Variants in ENTREP2 observed in about 807,000 individuals in gnomAD.
The protein encoded by ENTREP2 is endosomal transmembrane epsin interactor 2.
At chr15:29,168,827 G>C in the ENTREP2 span, among the ~76,000 whole-genome samples, 2 of 152,134 alleles carry the variant, frequency 1.3e-5, no homozygotes, top group Admixed American at 1.3e-4. Flanking sequence ...TCTGGGCAAG[G>C]ACCCAGGAGG....
chr15:29,297,542 T>C, the ENTREP2 span, among the ~76,000 whole-genome samples: 64 of 152,320 alleles, frequency 4.2e-4, no homozygotes, highest in African/African-American at 1.5e-3. Flanking sequence ...ATATCATCAG[T>C]TTGCAACCTT....
chr15:29,577,448 GACTCAGGCAAT>G, the ENTREP2 span, among the ~76,000 whole-genome samples: 1 of 151,834 alleles, frequency 6.6e-6, no homozygotes, highest in Admixed American at 6.6e-5. Context: ...GGACCTCCCA[GACTCAGGCAAT>G]CCTCTCACCT....
the ENTREP2 span, among the ~76,000 whole-genome samples, chr15:29,126,892 G>C: frequency 6.6e-6 from 1 of 152,174 alleles, no homozygotes; most frequent in Non-Finnish European, 1.5e-5. Flanking sequence ...GTGCAGCCCC[G>C]GGCCTGGAGT....
the ENTREP2 span, among the ~76,000 whole-genome samples, chr15:29,155,274 T>C: frequency 2.9e-5 from 4 of 135,608 alleles, no homozygotes; most frequent in Non-Finnish European, 6.2e-5. Flanking sequence ...AGAACGAGAC[T>C]CCATCTCATA....
chr15:29,169,169 T>C, the ENTREP2 span, among the ~76,000 whole-genome samples: 1 of 152,246 alleles, frequency 6.6e-6, no homozygotes, highest in Non-Finnish European at 1.5e-5. Context: ...AAATCTTTCC[T>C]ATAAATTCTG....
At chr15:29,600,902 C>CCTTTTTTTTTTTTTTTTTTTTTTT in the ENTREP2 span, among the ~76,000 whole-genome samples, 11 of 123,616 alleles carry the variant, frequency 8.9e-5, no homozygotes, top group African/African-American at 4.0e-4. Flanking sequence ...ATTTTTCTTT[C>CCTTTTTTTTTTTTTTTTTTTTTTT]TTTTTTTTTT....
chr15:29,526,872 C>T, the ENTREP2 span, among the ~76,000 whole-genome samples: 1 of 152,030 alleles, frequency 6.6e-6, no homozygotes, highest in African/African-American at 2.4e-5. Context: ...CTCTCCCTTC[C>T]ATCACTCCCA....
the ENTREP2 span, among the ~76,000 whole-genome samples, chr15:29,568,674 A>C: frequency 3.5e-4 from 52 of 149,234 alleles, no homozygotes; most frequent in Non-Finnish European, 6.7e-4. Context: ...ACTGCACTCC[A>C]GCCTGGGCAA....
At chr15:29,578,999 A>G in the ENTREP2 span, among the ~76,000 whole-genome samples, 1 of 152,218 alleles carries the variant, frequency 6.6e-6, no homozygotes, top group East Asian at 1.9e-4. Context: ...TTTCATTAGA[A>G]TAAGCAGTTA....
the ENTREP2 span, among the ~76,000 whole-genome samples, chr15:29,223,689 T>G: frequency 3.3e-5 from 5 of 152,008 alleles, no homozygotes; most frequent in African/African-American, 1.2e-4. Flanking sequence ...GTAGAACTCC[T>G]GTAGTGGCGC....
the ENTREP2 span, among the ~76,000 whole-genome samples, chr15:29,176,478 G>T: frequency 3.3e-5 from 5 of 152,182 alleles, no homozygotes; most frequent in African/African-American, 1.2e-4. Context: ...GTGGGAAGAG[G>T]CCAGAGGAGA....
chr15:29,660,402 A>G, the ENTREP2 span, among the ~76,000 whole-genome samples: 11 of 152,310 alleles, frequency 7.2e-5, no homozygotes, highest in African/African-American at 2.4e-4. Flanking sequence ...GAGGACACAC[A>G]CACAAATGCC....
chr15:29,232,006 C>T, the ENTREP2 span, among the ~76,000 whole-genome samples: 1 of 151,538 alleles, frequency 6.6e-6, no homozygotes, highest in South Asian at 2.1e-4. Flanking sequence ...TCTCCCGCTT[C>T]AGCCTCCTGA....
the ENTREP2 span, among the ~76,000 whole-genome samples, chr15:29,292,375 C>T: frequency 6.7e-6 from 1 of 148,480 alleles, no homozygotes; most frequent in Non-Finnish European, 1.5e-5. Flanking sequence ...TTCTTTCTTT[C>T]TTTCCTTCTT....
At chr15:29,542,260 C>G in the ENTREP2 span, among the ~76,000 whole-genome samples, 1 of 152,140 alleles carries the variant, frequency 6.6e-6, no homozygotes, top group Non-Finnish European at 1.5e-5. Context: ...GGTGATCCAC[C>G]TGCCTTGGCC....
chr15:29,448,836 T>G, the ENTREP2 span, among the ~76,000 whole-genome samples: 1 of 152,176 alleles, frequency 6.6e-6, no homozygotes, highest in African/African-American at 2.4e-5. Flanking sequence ...TTATTTTAAA[T>G]TAGTTTTGAA....
the ENTREP2 span, among the ~76,000 whole-genome samples, chr15:29,308,249 G>A: frequency 2.0e-5 from 3 of 152,130 alleles, no homozygotes; most frequent in Non-Finnish European, 4.4e-5. Context: ...GGTGGCTCAC[G>A]CCTGTAATCT....
At chr15:29,452,989 G>A in the ENTREP2 span, among the ~76,000 whole-genome samples, 22,460 of 152,074 alleles carry the variant, frequency 0.15, 2,732 homozygotes, top group African/African-American at 0.34. Context: ...TAAACCGGAG[G>A]AGGCAGAGCC....
At chr15:29,562,869 T>C in the ENTREP2 span, among the ~76,000 whole-genome samples, 1 of 152,092 alleles carries the variant, frequency 6.6e-6, no homozygotes, top group Non-Finnish European at 1.5e-5. Flanking sequence ...AAGCTCACTG[T>C]GGCCTCAACC....
Sources: allele counts gnomAD v4.1 joint callset (sites outside exome capture counted in the v4.1 genomes callset), GRCh38; gene constraint gnomAD v4.1.1; transcripts MANE v1.5; gene names NCBI Gene and HGNC (gene_info 2026-07-23, HGNC 2026-07-21).